The following SNX29 variants were observed in gnomAD, a reference collection of about 807,000 sequenced individuals.
SNX29 encodes sorting nexin 29, also known as sorting nexin-29.
In SNX29, 78 loss-of-function variants were observed where a neutral mutation model predicts 102.1. The ratio of observed to expected loss-of-function variants is 0.76; its 90% confidence interval spans 0.64 to 0.92. The LOEUF is 0.92. SNX29 is among the 40% of genes least tolerant of loss of function. The pLI, the probability that SNX29 is intolerant of heterozygous loss-of-function variation, is 0.00. For missense variants in SNX29, 1,280 were observed against 1,061.7 expected (o/e 1.21, Z -2.86); for synonymous variants, 580 against 414.5 (o/e 1.40, Z -4.85).
In SNX29 at chr16:12,096,466, T is replaced by G. The variant is rs2052772134; in HGVS notation, c.1402+17551T>G. On this transcript the variant is annotated intron_variant, in intron 11 of 20. Transcript: ENST00000566228. This position sits in a 1 kb window ranked among gnomAD's most constrained non-coding sequence, Gnocchi z 4.2. Reference sequence around the variant, plus strand: ...CATCATTATAATGCAGATTTAAGAGTGCCAGCACCATGGGCTGTTGTGAGG... The same window carrying G: ...CATCATTATAATGCAGATTTAAGAGGGCCAGCACCATGGGCTGTTGTGAGG... Among the ~76,000 whole-genome samples, 2 of 152,178 alleles carry G rather than the reference T, an allele frequency of 1.3e-5. No individual in the cohort carries two copies. Among genetic ancestry groups the G allele is most frequent in the African/African-American group, 4.8e-5 (2 of 41,442 alleles).
intron 18 of SNX29, among the ~76,000 whole-genome samples, chr16:12,448,875 A>G (rs927240348): frequency 6.6e-6 from 1 of 151,994 alleles, no homozygotes; most frequent in African/African-American, 2.4e-5. Context: ...TGCCTTTTGG[A>G]CGGTAGTGAT....
chr16:12,463,820 G>GTGTGTC (rs2086923305), intron 18 of SNX29, among the ~76,000 whole-genome samples: 1 of 106,144 alleles, frequency 9.4e-6, no homozygotes, highest in African/African-American at 5.5e-5. Context: ...CGAAGTGAGT[G>GTGTGTC]TGTGTGTGTG....
chr16:12,055,436 G>T (rs1393435213), intron 8 of SNX29, among the ~76,000 whole-genome samples: 1 of 152,018 alleles, frequency 6.6e-6, no homozygotes, highest in East Asian at 1.9e-4. Flanking sequence ...TTACCCTGTT[G>T]GCCAGGCTGG....
At chr16:12,151,527 G>C (rs1045409815) in intron 13 of SNX29, among the ~76,000 whole-genome samples, 1 of 152,080 alleles carries the variant, frequency 6.6e-6, no homozygotes, top group East Asian at 1.9e-4. Context: ...ATCTGACCGG[G>C]GCCTGCCTGC....
At chr16:12,267,237 T>A (rs1181054005) in intron 14 of SNX29, among the ~76,000 whole-genome samples, 1 of 104,118 alleles carries the variant, frequency 9.6e-6, no homozygotes, top group African/African-American at 4.5e-5. Context: ...AATGTTAGCA[T>A]GGGTGCGAGT....
chr16:12,118,762 G>C (rs2053849432), intron 11 of SNX29, among the ~76,000 whole-genome samples: 1 of 152,114 alleles, frequency 6.6e-6, no homozygotes, highest in Admixed American at 6.5e-5. Context: ...AGCCTTCTGT[G>C]AGTGGGACAG....
chr16:12,201,998 C>T (rs1207680932), intron 14 of SNX29, among the ~76,000 whole-genome samples: 1 of 152,134 alleles, frequency 6.6e-6, no homozygotes, highest in Non-Finnish European at 1.5e-5. Flanking sequence ...TTTCCCCAGA[C>T]CGATCCTGAG....
intron 3 of SNX29, among the ~76,000 whole-genome samples, chr16:12,025,954 A>C (rs114233465): frequency 0.012 from 1,891 of 152,282 alleles, 34 homozygotes; most frequent in African/African-American, 0.043. Flanking sequence ...TTCAAGTGTA[A>C]AATGGAGATA....
At chr16:12,524,982 A>G (rs761839502) in intron 20 of SNX29, 141 bp downstream of exon 20, 10 of 1,233,728 alleles carry the variant, frequency 8.1e-6, no homozygotes, top group Non-Finnish European at 1.0e-5. Flanking sequence ...GGGCTGTTCC[A>G]GGTGCCAAAG....
chr16:12,302,559 CA>C (rs1239730402), intron 15 of SNX29, among the ~76,000 whole-genome samples: 2 of 143,702 alleles, frequency 1.4e-5, no homozygotes, highest in Non-Finnish European at 2.9e-5. Flanking sequence ...CGTGGAAGGA[CA>C]GGGGGTCTCT....
At chr16:12,558,052 A>C (rs963081178) in intron 20 of SNX29, among the ~76,000 whole-genome samples, 1 of 152,218 alleles carries the variant, frequency 6.6e-6, no homozygotes, top group Admixed American at 6.5e-5. Flanking sequence ...CGGGATTACA[A>C]CAGAGACATG....
intron 14 of SNX29, among the ~76,000 whole-genome samples, chr16:12,242,367 A>ATATATATAT (rs1208660733): frequency 2.1e-5 from 3 of 141,614 alleles, no homozygotes; most frequent in African/African-American, 7.8e-5. Context: ...ATATATATAT[A>ATATATATAT]TTTTTTTTTT....
intron 3 of SNX29, among the ~76,000 whole-genome samples, chr16:12,025,538 A>C (rs2057166783): frequency 6.6e-6 from 1 of 152,146 alleles, no homozygotes; most frequent in African/African-American, 2.4e-5. Flanking sequence ...CAAAGATAAG[A>C]TAGAAGGTGA....
At chr16:12,521,556 G>A (rs2090103151) in intron 19 of SNX29, among the ~76,000 whole-genome samples, 1 of 152,152 alleles carries the variant, frequency 6.6e-6, no homozygotes, top group African/African-American at 2.4e-5. Context: ...AGTGTTTTGA[G>A]CATTTCCCTT....
At chr16:12,413,200 A>G (rs914318959) in intron 18 of SNX29, among the ~76,000 whole-genome samples, 1 of 152,200 alleles carries the variant, frequency 6.6e-6, no homozygotes, top group Admixed American at 6.5e-5. Flanking sequence ...GAGAAGGGGA[A>G]TGTGAAATAA....
At chr16:12,104,495 G>T (rs900161208) in intron 11 of SNX29, among the ~76,000 whole-genome samples, 3 of 152,084 alleles carry the variant, frequency 2.0e-5, no homozygotes. Flanking sequence ...GGCAGAGGTT[G>T]CAGTGAGCTG....
chr16:12,224,997 G>C (rs945208313), intron 14 of SNX29, among the ~76,000 whole-genome samples: 1 of 152,224 alleles, frequency 6.6e-6, no homozygotes. Flanking sequence ...GGGTGGGATA[G>C]TTGATAACCT....
At chr16:12,377,218 G>T (rs1406823709) in intron 16 of SNX29, among the ~76,000 whole-genome samples, 1 of 152,186 alleles carries the variant, frequency 6.6e-6, no homozygotes, top group Admixed American at 6.5e-5. Context: ...TAGTATATTA[G>T]TCAACGTAGG....
chr16:12,446,778 T>A (rs1438422370), intron 18 of SNX29, among the ~76,000 whole-genome samples: 1 of 152,086 alleles, frequency 6.6e-6, no homozygotes, highest in Non-Finnish European at 1.5e-5. Context: ...TGTACTAAGC[T>A]CTCAATATGA....
Sources: gnomAD v4.1 joint callset for allele counts (sites outside exome capture counted in the v4.1 genomes callset) on GRCh38, gnomAD v4.1.1 for gene constraint, Gnocchi (gnomAD v3.1) non-coding constraint, MANE v1.5 for transcripts, NCBI Gene and HGNC (gene_info 2026-07-23, HGNC 2026-07-21) for gene names.